The following PRKN variants were observed in gnomAD, a reference collection of about 807,000 sequenced individuals.
PRKN encodes parkin RBR E3 ubiquitin protein ligase, also known as E3 ubiquitin-protein ligase parkin.
A neutral mutation model predicts 59.5 loss-of-function variants in PRKN; 56 were observed. The ratio of observed to expected loss-of-function variants is 0.94; its 90% CI spans 0.76 to 1.18. PRKN has a LOEUF of 1.18. Among genes scored for constraint, PRKN ranks in the 50% most tolerant of loss-of-function variants. PRKN has a pLI of 0.00. For synonymous variants in PRKN, 250 were observed against 222.1 expected, an observed-to-expected ratio of 1.13 and a Z score of -1.12; for missense variants, 657 against 596.4, an observed-to-expected ratio of 1.10 and a Z score of -1.06.
intron 7 of PRKN, among the ~76,000 whole-genome samples, chr6:161,744,519 C>T (rs1788331921): frequency 6.6e-6 from 1 of 152,142 alleles, no homozygotes; most frequent in Non-Finnish European, 1.5e-5. Context: ...CTCCATGGCC[C>T]AGGGCTTCGA....
intron 9 of PRKN, among the ~76,000 whole-genome samples, chr6:161,494,617 A>C (rs1777676171): frequency 6.6e-6 from 1 of 152,248 alleles, no homozygotes; most frequent in African/African-American, 2.4e-5. Context: ...TCCTTCATTC[A>C]GTAACAAAAC....
intron 5 of PRKN, among the ~76,000 whole-genome samples, chr6:161,984,334 C>T (rs1303542217): frequency 5.3e-5 from 8 of 152,026 alleles, no homozygotes; most frequent in Non-Finnish European, 1.2e-4. Context: ...CTTGGCTCAC[C>T]GCAACCTCCG....
chr6:161,514,190 T>G (rs1028199980), intron 9 of PRKN, among the ~76,000 whole-genome samples: 1 of 150,458 alleles, frequency 6.6e-6, no homozygotes, highest in Non-Finnish European at 1.5e-5. Context: ...GTAGAGAGAG[T>G]GGAAAAAAAC....
intron 9 of PRKN, among the ~76,000 whole-genome samples, chr6:161,433,020 C>CA (rs1419370869): frequency 9.9e-5 from 15 of 152,020 alleles, no homozygotes; most frequent in Admixed American, 6.5e-4. Context: ...TGGCAAAGGG[C>CA]AAAAAATACT....
chr6:162,264,931 C>T (rs1396822544), intron 2 of PRKN, among the ~76,000 whole-genome samples: 1 of 151,230 alleles, frequency 6.6e-6, no homozygotes, highest in African/African-American at 2.4e-5. Context: ...AATTACCCTT[C>T]ACATCTTCAA....
chr6:162,376,915 C>T (rs997293859), intron 2 of PRKN, among the ~76,000 whole-genome samples: 6 of 150,084 alleles, frequency 4.0e-5, no homozygotes, highest in African/African-American at 9.8e-5. Flanking sequence ...GAAGAGACCA[C>T]GAGGAGAGAG....
At chr6:161,834,406 G>C (rs1335897694) in intron 6 of PRKN, among the ~76,000 whole-genome samples, 1 of 152,102 alleles carries the variant, frequency 6.6e-6, no homozygotes, top group Non-Finnish European at 1.5e-5. Flanking sequence ...AAAAAGACTA[G>C]AGTACACAGC....
chr6:162,186,770 T>C (rs115150717), intron 4 of PRKN, among the ~76,000 whole-genome samples: 6,751 of 152,270 alleles, frequency 0.044, 467 homozygotes, highest in African/African-American at 0.14. Flanking sequence ...CACCTCCTCC[T>C]CACTCTGGAC....
Position 161,442,236 on chromosome 6 carries a change from G to A in PRKN, c.1084-55359C>T, listed in dbSNP as rs923289033. On this transcript the variant is annotated intron_variant, in intron 9 of 11. Coordinates refer to ENST00000366898, the MANE Select transcript of PRKN (RefSeq NM_004562.3). This position sits in a 1 kb window ranked among gnomAD's most constrained non-coding sequence, Gnocchi z 4.6. ...AAACTTCAATTTCTCTGAAATTGAA[G>A]GAGAATTATTTCTCCACTTCAAAAG... 6.6e-6 allele frequency among the ~76,000 whole-genome samples: 1 copy of A among 152,112 alleles called. No homozygotes were observed. Among genetic ancestry groups the A allele is most frequent in the African/African-American group, 2.4e-5 (1 of 41,412 alleles).
At chr6:161,370,272 T>C (rs1785386698) in intron 10 of PRKN, among the ~76,000 whole-genome samples, 1 of 151,370 alleles carries the variant, frequency 6.6e-6, no homozygotes. Flanking sequence ...TAAATCAAAA[T>C]GTACTTATAT....
At chr6:162,072,527 CAATT>C (rs1205950748) in intron 4 of PRKN, among the ~76,000 whole-genome samples, 2 of 152,166 alleles carry the variant, frequency 1.3e-5, no homozygotes, top group Non-Finnish European at 1.5e-5. Context: ...CAGATACTGA[CAATT>C]AATCCATAAA....
At chr6:161,479,056 T>A (rs1362740603) in intron 9 of PRKN, among the ~76,000 whole-genome samples, 4 of 152,146 alleles carry the variant, frequency 2.6e-5, no homozygotes, top group South Asian at 4.1e-4. Context: ...ATATATTTGC[T>A]TATAGATGTG....
At chr6:161,898,251 G>C (rs965983295) in intron 6 of PRKN, among the ~76,000 whole-genome samples, 6 of 151,894 alleles carry the variant, frequency 4.0e-5, no homozygotes, top group African/African-American at 1.5e-4. Context: ...ATTTGGCACA[G>C]TGAACCCTTT....
At chr6:162,395,668 A>G (rs1787438965) in intron 2 of PRKN, among the ~76,000 whole-genome samples, 1 of 151,726 alleles carries the variant, frequency 6.6e-6, no homozygotes, top group Non-Finnish European at 1.5e-5. Context: ...ACAAACGCCA[A>G]AGTTACAAGA....
chr6:162,112,474 G>A (rs985923112), intron 4 of PRKN, among the ~76,000 whole-genome samples: 1 of 152,096 alleles, frequency 6.6e-6, no homozygotes, highest in African/African-American at 2.4e-5. Context: ...AAGAATTGAA[G>A]TTTACTTTTT....
intron 1 of PRKN, among the ~76,000 whole-genome samples, chr6:162,546,389 T>C (rs1779117802): frequency 6.6e-6 from 1 of 150,568 alleles, no homozygotes; most frequent in South Asian, 2.1e-4. Context: ...AGGCATGAGC[T>C]ACAGCACCAG....
intron 7 of PRKN, among the ~76,000 whole-genome samples, chr6:161,662,127 T>C (rs780883266): frequency 2.0e-5 from 3 of 152,150 alleles, no homozygotes; most frequent in Non-Finnish European, 4.4e-5. Flanking sequence ...GAGGGAAAGT[T>C]CGTAACGTGA....
At chr6:162,343,197 A>C (rs1431045146) in intron 2 of PRKN, among the ~76,000 whole-genome samples, 1 of 152,232 alleles carries the variant, frequency 6.6e-6, no homozygotes, top group Non-Finnish European at 1.5e-5. Flanking sequence ...ACTTGAAAAA[A>C]GATGCAATAA....
intron 9 of PRKN, among the ~76,000 whole-genome samples, chr6:161,512,972 C>T (rs1255489742): frequency 6.6e-6 from 1 of 152,114 alleles, no homozygotes; most frequent in African/African-American, 2.4e-5. Flanking sequence ...GGGAGTCATA[C>T]ATTAACCTGC....
Sources: allele counts gnomAD v4.1 joint callset (sites outside exome capture counted in the v4.1 genomes callset), GRCh38; gene constraint gnomAD v4.1.1; non-coding constraint Gnocchi (gnomAD v3.1); transcripts MANE v1.5; gene names NCBI Gene and HGNC (gene_info 2026-07-23, HGNC 2026-07-21).